The following SFTPD variants were observed in gnomAD, a reference collection of about 807,000 sequenced individuals.
SFTPD encodes the protein surfactant protein D, also known as pulmonary surfactant-associated protein D.
In SFTPD, 18 loss-of-function variants were observed where a neutral mutation model predicts 34.6. That is an observed-to-expected ratio of 0.52 (90% CI 0.36 to 0.77). The LOEUF (loss-of-function observed/expected upper bound fraction) is 0.77, where lower values mean the gene tolerates loss of function less well. Ranked by LOEUF, SFTPD falls within the 30% of genes least tolerant of loss-of-function variation. The probability of loss-of-function intolerance (pLI) is 0.00; values close to 1 mark genes in which losing one functional copy is unlikely to be tolerated. For missense variants in SFTPD, 433 were observed against 468.9 expected, an observed-to-expected ratio of 0.92 and a Z score of 0.71; for synonymous variants, 155 against 180.9, an observed-to-expected ratio of 0.86 and a Z score of 1.15.
chr10:79,937,981 G>A lies in SFTPD; in HGVS notation c.999C>T (p.Val333=). Residue 333 remains valine, a synonymous_variant, in exon 8 of 8, where the codon GTC becomes GTT. Transcript: ENST00000372292. ...KFTYPTGESL[V]YSNWAPGEPN... ...GCTCCCCTGGGGCCCAGTTGGAATAGACCAGGGACTCTCCTGTGGGGTAGG... is the reference window on the plus strand; with the variant it reads ...GCTCCCCTGGGGCCCAGTTGGAATAAACCAGGGACTCTCCTGTGGGGTAGG... 6.2e-7 allele frequency: 1 copy of A among 1,613,812 alleles called. No homozygotes were observed.
At chr10:79,975,912 C>T (rs1033837846) in intron 1 of SFTPD, among the ~76,000 whole-genome samples, 9 of 152,224 alleles carry the variant, frequency 5.9e-5, no homozygotes, top group Non-Finnish European at 1.0e-4. Context: ...TGCCTTTAAG[C>T]GGTTTTCCAC....
chr10:79,944,783 C>T (rs971435435), intron 2 of SFTPD, among the ~76,000 whole-genome samples: 1 of 152,048 alleles, frequency 6.6e-6, no homozygotes, highest in Admixed American at 6.6e-5. Context: ...GTCATATTTA[C>T]CCTCCATGAT....
At chr10:79,980,176 A>T (rs891971541) in intron 1 of SFTPD, among the ~76,000 whole-genome samples, 1 of 152,160 alleles carries the variant, frequency 6.6e-6, no homozygotes, top group Non-Finnish European at 1.5e-5. Flanking sequence ...TGCTGGCATC[A>T]TGTGCAACCC....
At chr10:79,982,017 G>T in intron 1 of SFTPD, 1 of 291,782 alleles carries the variant, frequency 3.4e-6, no homozygotes, top group South Asian at 5.2e-5. Flanking sequence ...GGAAGAGCGC[G>T]CCGGGCGCCG....
At chr10:79,978,907 G>T (rs1387219617) in intron 1 of SFTPD, among the ~76,000 whole-genome samples, 1 of 151,288 alleles carries the variant, frequency 6.6e-6, no homozygotes, top group Non-Finnish European at 1.5e-5. Context: ...AAGAAAGAAA[G>T]AAGTAAAATT....
chr10:79,957,282 C>T (rs542744801), intron 1 of SFTPD, among the ~76,000 whole-genome samples: 13 of 152,256 alleles, frequency 8.5e-5, no homozygotes, highest in East Asian at 5.8e-4. Context: ...TCACCAACAA[C>T]GGAACAAAGC....
chr10:79,961,633 G>T (rs527456603), intron 1 of SFTPD, among the ~76,000 whole-genome samples: 2 of 152,298 alleles, frequency 1.3e-5, no homozygotes, highest in African/African-American at 4.8e-5. Context: ...TCATTAAAAA[G>T]TCAGGAAACA....
intron 1 of SFTPD, among the ~76,000 whole-genome samples, chr10:79,955,048 T>C (rs1368998515): frequency 6.6e-6 from 1 of 152,270 alleles, no homozygotes; most frequent in African/African-American, 2.4e-5. Context: ...AATAAATAGC[T>C]TGGGCCTCCA....
At chr10:79,964,394 G>C (rs1842791943) in intron 1 of SFTPD, among the ~76,000 whole-genome samples, 1 of 152,144 alleles carries the variant, frequency 6.6e-6, no homozygotes, top group Non-Finnish European at 1.5e-5. Flanking sequence ...ATACTGATAA[G>C]GTAGCTAAAA....
At chr10:79,982,186 C>A (rs1842895068) in intron 1 of SFTPD, 2 of 460,714 alleles carry the variant, frequency 4.3e-6, no homozygotes, top group Non-Finnish European at 7.0e-6. Context: ...AGCAGAGGAG[C>A]CGCACGCGCA....
At chr10:79,962,606 ACAAC>A (rs917925755) in intron 1 of SFTPD, among the ~76,000 whole-genome samples, 1 of 152,050 alleles carries the variant, frequency 6.6e-6, no homozygotes, top group Non-Finnish European at 1.5e-5. Context: ...ATTGTCCTCC[ACAAC>A]CAAGTAACAT....
At chr10:79,949,721 G>C (rs1842697785), upstream of SFTPD, among the ~76,000 whole-genome samples, 1 of 152,194 alleles carries the variant, frequency 6.6e-6, no homozygotes, top group Non-Finnish European at 1.5e-5. Context: ...ATTTCCCTTA[G>C]CAGACCTCTG....
Position 79,937,942 on chromosome 10 carries a change from G to T in SFTPD, c.1038C>A (p.Gly346=), listed in dbSNP as rs1167219371. Reference sequence around the variant, plus strand: ...AGATCTCCACACAGTCCTCTGACCCGCCATCATCGTTGGGCTCCCCTGGGG... The same window carrying T: ...AGATCTCCACACAGTCCTCTGACCCTCCATCATCGTTGGGCTCCCCTGGGG... The part of the protein sequence containing the change: ...NWAPGEPNDD[G]GSEDCVEIFT... The change falls in exon 8 of 8, where the codon GGC becomes GGA. Residue 346 remains glycine, a synonymous_variant. Transcript: ENST00000372292. The T allele has an allele frequency of 6.2e-7, 1 of 1,611,818 alleles. No homozygotes were observed. Among genetic ancestry groups the T allele is most frequent in the Non-Finnish European group, 8.5e-7 (1 of 1,178,686 alleles).
chr10:79,953,608 G>C (rs1842723276), upstream of SFTPD, among the ~76,000 whole-genome samples: 1 of 151,888 alleles, frequency 6.6e-6, no homozygotes, highest in Non-Finnish European at 1.5e-5. Context: ...ATTATAATGT[G>C]TTCAGTATAG....
Position 79,946,646 on chromosome 10 carries a change from A to C in SFTPD, c.14T>G (p.Leu5Arg). The C allele has an allele frequency of 1.2e-6, 2 of 1,614,134 alleles. No individual in the cohort carries two copies. Among genetic ancestry groups the C allele is most frequent in the Non-Finnish European group, 1.7e-6 (2 of 1,180,006 alleles). Residue 5 changes from leucine (L) to arginine (R), a missense_variant, in exon 2 of 8, where the codon CTC becomes CGC. Transcript: ENST00000372292. Reference sequence around the variant, plus strand: ...TGTGAGCAGGACCAGTGCAGAGAGGAGGAAGAGCAGCATGGCCTGGAGAGG... The same window carrying C: ...TGTGAGCAGGACCAGTGCAGAGAGGCGGAAGAGCAGCATGGCCTGGAGAGG... MLLF[L>R]LSALVLLTQP...
chr10:79,947,868 T>C (rs1842681215), intron 1 of SFTPD, among the ~76,000 whole-genome samples: 1 of 152,176 alleles, frequency 6.6e-6, no homozygotes, highest in Non-Finnish European at 1.5e-5. Context: ...CTGTTTTGGG[T>C]ATCTTTTCTC....
chr10:79,946,970 T>C (rs1393610953), intron 1 of SFTPD, among the ~76,000 whole-genome samples: 1 of 152,196 alleles, frequency 6.6e-6, no homozygotes, highest in Admixed American at 6.5e-5. Flanking sequence ...GTGGCTAGGA[T>C]GTAGCATTCC....
At chr10:79,938,809 T>TCTCTG (rs1254997045) in intron 7 of SFTPD, among the ~76,000 whole-genome samples, 1 of 152,176 alleles carries the variant, frequency 6.6e-6, no homozygotes, top group East Asian at 1.9e-4. Context: ...CAGATGCTAA[T>TCTCTG]CTCTGCTCTG....
chr10:79,947,637 C>T (rs1316184900), intron 1 of SFTPD, among the ~76,000 whole-genome samples: 1 of 152,068 alleles, frequency 6.6e-6, no homozygotes, highest in Non-Finnish European at 1.5e-5. Context: ...GTGCAGTGAG[C>T]CGAGATCGTG....
Sources: gnomAD v4.1 joint callset for allele counts (sites outside exome capture counted in the v4.1 genomes callset) on GRCh38, gnomAD v4.1.1 for gene constraint, MANE v1.5 for transcripts, NCBI Gene and HGNC (gene_info 2026-07-23, HGNC 2026-07-21) for gene names.